Variants in FAF1 observed in about 807,000 individuals in gnomAD.
FAF1 encodes FAS-associated factor 1.
Under a neutral mutation model 92.5 loss-of-function variants are expected in FAF1, and 25 were observed. That is an observed-to-expected ratio of 0.27 (90% CI 0.20 to 0.38). The LOEUF (loss-of-function observed/expected upper bound fraction) is 0.38, where lower values mean the gene tolerates loss of function less well. Ranked by LOEUF, FAF1 falls within the 10% of genes least tolerant of loss-of-function variation. The probability of loss-of-function intolerance (pLI) is 1.00; values close to 1 mark genes in which losing one functional copy is unlikely to be tolerated. For synonymous variants in FAF1, 234 were observed against 273.2 expected, an observed-to-expected ratio of 0.86 and a Z score of 1.42; for missense variants, 636 against 793.3, an observed-to-expected ratio of 0.80 and a Z score of 2.38.
At chr1:50,472,457 A>G (rs1646588631) in intron 18 of FAF1, among the ~76,000 whole-genome samples, 1 of 150,122 alleles carries the variant, frequency 6.7e-6, no homozygotes, top group African/African-American at 2.5e-5. Flanking sequence ...TGCTTCCACA[A>G]CTTGAATCAG....
At chr1:50,755,975 C>T (rs1390347714) in intron 4 of FAF1, among the ~76,000 whole-genome samples, 1 of 152,194 alleles carries the variant, frequency 6.6e-6, no homozygotes, top group Non-Finnish European at 1.5e-5. Context: ...GCCTCTGGGT[C>T]TGTCATGGGA....
intron 2 of FAF1, chr1:50,846,605 C>A: frequency 3.8e-6 from 2 of 532,180 alleles, no homozygotes; most frequent in Non-Finnish European, 7.4e-6. Context: ...TGAGTGAGCG[C>A]TTCCTTGTAA....
At chr1:50,588,733 G>A (rs969274324) in intron 9 of FAF1, among the ~76,000 whole-genome samples, 1 of 152,216 alleles carries the variant, frequency 6.6e-6, no homozygotes, top group Admixed American at 6.5e-5. Flanking sequence ...GGCTGCAAGG[G>A]CTACTGGAGT....
rs138308268 is a variant in FAF1 at position 50,621,476 on chromosome 1, T to C, written c.745-25260A>G. Among the ~76,000 whole-genome samples, 101 of 137,602 alleles carry C rather than the reference T, an allele frequency of 7.3e-4. No individual in the cohort carries two copies. The East Asian group carries it at 0.012, about 16-fold the overall frequency. The allele number at this position is 137,602 out of a possible 152,430, so 90.3% of individuals were successfully genotyped here. On this transcript the variant is annotated intron_variant, in intron 8 of 18. Coordinates refer to ENST00000396153, the MANE Select transcript of FAF1 (RefSeq NM_007051.3). ...GTGTAGTGGCGGGATCTCAGCTCAC[T>C]GCAACCTTCGCCTCTGGGGCTCAAG... is the stretch of plus-strand genomic sequence containing the variant.
intron 4 of FAF1, among the ~76,000 whole-genome samples, chr1:50,778,127 A>T (rs1361463123): frequency 6.6e-6 from 1 of 152,242 alleles, no homozygotes; most frequent in Non-Finnish European, 1.5e-5. Context: ...TGAATTATTG[A>T]ATCTCAAAGA....
chr1:50,566,831 T>C (rs1650194548), intron 13 of FAF1, among the ~76,000 whole-genome samples: 1 of 152,102 alleles, frequency 6.6e-6, no homozygotes, highest in Non-Finnish European at 1.5e-5. Flanking sequence ...GCACTGCAAA[T>C]ATAAGATGAG....
At chr1:50,560,262 T>C (rs1557995309) in intron 13 of FAF1, among the ~76,000 whole-genome samples, 1 of 152,220 alleles carries the variant, frequency 6.6e-6, no homozygotes, top group East Asian at 1.9e-4. Context: ...TGATAATAAG[T>C]GCTTTAAGTC....
At chr1:50,609,364 A>T (rs1652588639) in intron 8 of FAF1, among the ~76,000 whole-genome samples, 1 of 152,118 alleles carries the variant, frequency 6.6e-6, no homozygotes, top group Admixed American at 6.6e-5. Context: ...ACAGACAGCA[A>T]AACTGAGTCA....
chr1:50,899,863 A>G (rs1553150326), intron 1 of FAF1, among the ~76,000 whole-genome samples: 1 of 152,098 alleles, frequency 6.6e-6, no homozygotes, highest in Non-Finnish European at 1.5e-5. Context: ...TATTAGGGCT[A>G]TTTTCCCCCC....
chr1:50,697,160 C>A (rs1017215846), intron 7 of FAF1, among the ~76,000 whole-genome samples: 2 of 152,126 alleles, frequency 1.3e-5, no homozygotes, highest in Non-Finnish European at 2.9e-5. Context: ...TTTCCGCAAA[C>A]AATTTTAGAA....
intron 1 of FAF1, among the ~76,000 whole-genome samples, chr1:50,927,037 C>T (rs527408152): frequency 6.6e-6 from 1 of 152,080 alleles, no homozygotes; most frequent in Non-Finnish European, 1.5e-5. Flanking sequence ...AATAATTCCA[C>T]GTCTATAAGT....
chr1:50,464,325 C>T (rs554481483), intron 18 of FAF1, among the ~76,000 whole-genome samples: 10 of 152,178 alleles, frequency 6.6e-5, no homozygotes, highest in African/African-American at 2.4e-4. Flanking sequence ...ATTCTTATAT[C>T]CAGCGCAAAG....
intron 12 of FAF1, among the ~76,000 whole-genome samples, chr1:50,568,697 G>T (rs1444822650): frequency 6.6e-6 from 1 of 152,174 alleles, no homozygotes; most frequent in Non-Finnish European, 1.5e-5. Flanking sequence ...CAGATAGTTA[G>T]TAACTAATAC....
At chr1:50,552,691 A>G (rs1218249142) in intron 13 of FAF1, among the ~76,000 whole-genome samples, 2 of 152,222 alleles carry the variant, frequency 1.3e-5, no homozygotes, top group African/African-American at 4.8e-5. Context: ...TAGACAGGAT[A>G]GAAAAATGGG....
intron 7 of FAF1, among the ~76,000 whole-genome samples, chr1:50,666,402 T>C (rs1043446455): frequency 6.6e-6 from 1 of 151,934 alleles, no homozygotes. Context: ...AGAGGAGGTA[T>C]CATTATTTTG....
intron 7 of FAF1, among the ~76,000 whole-genome samples, chr1:50,676,804 A>G (rs1656142671): frequency 6.6e-6 from 1 of 152,224 alleles, no homozygotes; most frequent in Non-Finnish European, 1.5e-5. Flanking sequence ...CCTGGGCAAA[A>G]GAGCGAGACT....
intron 7 of FAF1, among the ~76,000 whole-genome samples, chr1:50,692,219 T>C (rs1252058853): frequency 2.7e-5 from 4 of 146,850 alleles, no homozygotes; most frequent in Non-Finnish European, 6.0e-5. Context: ...AACCCCCACA[T>C]ATCCAGCACT....
At chr1:50,677,686 G>T (rs1261111972) in intron 7 of FAF1, among the ~76,000 whole-genome samples, 1 of 152,062 alleles carries the variant, frequency 6.6e-6, no homozygotes, top group Admixed American at 6.6e-5. Flanking sequence ...CCTGAGGTCA[G>T]GAGTTCGAGA....
chr1:50,940,286 A>C (rs1176422670), intron 1 of FAF1, among the ~76,000 whole-genome samples: 3 of 152,250 alleles, frequency 2.0e-5, no homozygotes. Flanking sequence ...ATCATCAAAT[A>C]TCTATCCAGT....
Sources: allele counts gnomAD v4.1 joint callset (sites outside exome capture counted in the v4.1 genomes callset), GRCh38; gene constraint gnomAD v4.1.1; transcripts MANE v1.5; gene names NCBI Gene and HGNC (gene_info 2026-07-23, HGNC 2026-07-21).